Variants in F10 observed in about 807,000 individuals in gnomAD.
F10 encodes coagulation factor X, also known as Stuart-Prower factor.
Under a neutral mutation model 37.1 loss-of-function variants are expected in F10, and 29 were observed. That is an observed-to-expected ratio of 0.78 (90% CI 0.58 to 1.07). F10 has a LOEUF of 1.07. F10 is among the 50% of genes least tolerant of loss of function. The pLI, the probability that F10 is intolerant of heterozygous loss-of-function variation, is 0.00. For synonymous variants in F10, 262 were observed against 268.6 expected, an observed-to-expected ratio of 0.98 and a Z score of 0.24; for missense variants, 539 against 667.9, an observed-to-expected ratio of 0.81 and a Z score of 2.13.
intron 1 of F10, 112 bp downstream of exon 1, chr13:113,123,037 T>A: frequency 1.6e-6 from 2 of 1,266,542 alleles, no homozygotes; most frequent in Non-Finnish European, 2.2e-6. Context: ...CCTTGAGTGC[T>A]GCCAGAGGCT....
chr13:113,145,728 CAGAG>C (rs2036576944), intron 6 of F10, among the ~76,000 whole-genome samples: 1 of 152,310 alleles, frequency 6.6e-6, no homozygotes, highest in East Asian at 1.9e-4. Flanking sequence ...GGCAGCAAGA[CAGAG>C]AATGAGAGAA....
rs534947894 is a variant in F10 at position 113,127,915 on chromosome 13, G to C, written c.71-1537G>C. On this transcript the variant is annotated intron_variant, in intron 1 of 7. Transcript: ENST00000375559. ...AGTGGGCTGAAAGCACCCTAGGGAGGGAGAATTCAAGGAAGGGGGCTTGGG... is the reference window on the plus strand; with the variant it reads ...AGTGGGCTGAAAGCACCCTAGGGAGCGAGAATTCAAGGAAGGGGGCTTGGG... 3.9e-5 allele frequency among the ~76,000 whole-genome samples: 6 copies of C among 152,264 alleles called. 1 individual carries two copies. In the South Asian group the frequency reaches 1.2e-3, roughly 32 times the overall value.
intron 2 of F10, chr13:113,130,312 C>G (rs2036420418): frequency 6.5e-6 from 1 of 154,806 alleles, no homozygotes; most frequent in African/African-American, 2.4e-5. Context: ...GCAGCAGCCC[C>G]GCGCGGAAGA....
intron 2 of F10, among the ~76,000 whole-genome samples, chr13:113,136,280 G>C (rs1003511298): frequency 1.3e-5 from 2 of 152,114 alleles, no homozygotes; most frequent in South Asian, 4.1e-4. Context: ...CTGCTCGTGG[G>C]AATGCAAAAT....
At position 113,146,820 on chromosome 13, in the gene F10, C is replaced by T. The variant is rs758515410; in HGVS notation, c.748-559C>T. Among the ~76,000 whole-genome samples the T allele has an allele frequency of 1.3e-5, 2 of 152,164 alleles. No individual in the cohort carries two copies. Among genetic ancestry groups the T allele is most frequent in the Non-Finnish European group, 2.9e-5 (2 of 68,030 alleles). ...TGCAAGTCCAGCTCCCTAGGGACAG[C>T]ATGTGGCACCCCTGTCAGTGCTTGC... On this transcript the variant is annotated intron_variant, in intron 6 of 7. Transcript: ENST00000375559. This position sits in a 1 kb window ranked among gnomAD's most constrained non-coding sequence, Gnocchi z 4.5.
chr13:113,129,408 T>TGAAGA, intron 1 of F10, 44 bp from the exon 2 acceptor site: 1 of 1,611,870 alleles, frequency 6.2e-7, no homozygotes, highest in Non-Finnish European at 8.5e-7. Context: ...GGAGCCTGGG[T>TGAAGA]GAGGGTGACC....
intron 2 of F10, chr13:113,130,084 C>G: frequency 3.5e-6 from 1 of 288,208 alleles, no homozygotes; most frequent in Non-Finnish European, 6.6e-6. Context: ...GCCACGAACC[C>G]AGTACTGCTC....
At chr13:113,145,842 C>T (rs1042209795) in intron 6 of F10, among the ~76,000 whole-genome samples, 1 of 152,204 alleles carries the variant, frequency 6.6e-6, no homozygotes, top group African/African-American at 2.4e-5. Flanking sequence ...GATTCAGTTA[C>T]CTCCCACCAG....
Position 113,139,410 on chromosome 13 carries a change from G to A in F10, c.310G>A (p.Gly104Ser), listed in dbSNP as rs778616029. 5.0e-5 allele frequency: 80 copies of A among 1,613,744 alleles called. No homozygotes were observed. The highest frequency in any genetic ancestry group is 6.7e-5 in the Non-Finnish European group (79 of 1,179,884). Residue 104 changes from glycine to serine, a missense_variant, in exon 4 of 8, where the codon GGC becomes AGC. Transcript: ENST00000375559. The surrounding 1 kb of genome is among the most constrained non-coding windows in gnomAD (Gnocchi z 5.2). Reference protein sequence around the residue: ...PCQNQGKCKDGLGEYTCTCLE... With the variant: ...PCQNQGKCKDSLGEYTCTCLE... ...CCAGAACCAGGGCAAATGTAAAGAC[G>A]GCCTCGGGGAATACACCTGCACCTG...
In F10 at chr13:113,148,383, T is replaced by C. The variant is rs991916760; in HGVS notation, c.866-533T>C. Among the ~76,000 whole-genome samples the C allele has an allele frequency of 1.7e-4, 3 of 17,932 alleles. 1 individual carries two copies. Among genetic ancestry groups the C allele is most frequent in the Non-Finnish European group, 7.8e-4 (3 of 3,826 alleles). 11.8% of individuals were successfully genotyped at this position (17,932 alleles called of 152,430 possible). On this transcript the variant is annotated intron_variant, in intron 7 of 7. Coordinates refer to ENST00000375559, the MANE Select transcript of F10 (RefSeq NM_000504.4). Reference sequence around the variant, plus strand: ...ATATATGTATATATATATGTGTATATATATATACATATATATACACACACA... The same window carrying C: ...ATATATGTATATATATATGTGTATACATATATACATATATATACACACACA...
intron 5 of F10, among the ~76,000 whole-genome samples, chr13:113,142,264 G>A (rs866274141): frequency 4.6e-5 from 7 of 152,150 alleles, no homozygotes; most frequent in Non-Finnish European, 8.8e-5. Flanking sequence ...AGTGTGGGCC[G>A]GGTGCAGTAG....
chr13:113,144,204 C>T lies in F10; in HGVS notation c.747+109C>T. On this transcript the variant is annotated intron_variant, in intron 6 of 7. Coordinates refer to ENST00000375559, the MANE Select transcript of F10 (RefSeq NM_000504.4). The surrounding 1 kb of genome is among the most constrained non-coding windows in gnomAD (Gnocchi z 6.4). ...AATAGCAATCCGGGAAGGAACTGTTCCGAACTAGGACAGAGGGGCTCCGCC... is the reference window on the plus strand; with the variant it reads ...AATAGCAATCCGGGAAGGAACTGTTTCGAACTAGGACAGAGGGGCTCCGCC... The T allele has an allele frequency of 3.9e-6, 6 of 1,545,104 alleles. 1 individual carries two copies. The South Asian group carries it at 5.7e-5, about 15-fold the overall frequency.
rs890351469 is a variant in F10, at chr13:113,141,720, A to G, written c.502+670A>G. Among the ~76,000 whole-genome samples the G allele has an allele frequency of 5.9e-5, 9 of 152,220 alleles. No homozygotes were observed. In the East Asian group the frequency reaches 1.7e-3, roughly 29 times the overall value. On this transcript the variant is annotated intron_variant, in intron 5 of 7. Transcript: ENST00000375559. The surrounding 1 kb of genome is among the most constrained non-coding windows in gnomAD (Gnocchi z 5.4). ...CGGCACTTCCACACGGCCAGCACAC[A>G]TGAGGCCCTCGAAGGCGGGGCCTAG...
intron 6 of F10, among the ~76,000 whole-genome samples, chr13:113,145,432 A>G (rs1233887599): frequency 3.3e-5 from 5 of 151,626 alleles, no homozygotes; most frequent in Non-Finnish European, 5.9e-5. Flanking sequence ...TACATTAAAC[A>G]AAAGCACAAT....
chr13:113,123,077 A>G, intron 1 of F10, 152 bp downstream of exon 1: 1 of 902,956 alleles, frequency 1.1e-6, no homozygotes, highest in Non-Finnish European at 1.7e-6. Flanking sequence ...TGGCCTTTCC[A>G]GCCAACGGCA....
chr13:113,140,386 A>G (rs1371235308), intron 4 of F10: 3 of 394,158 alleles, frequency 7.6e-6, no homozygotes, highest in African/African-American at 6.2e-5. Flanking sequence ...GGCCTAATTG[A>G]TCATCTTTAG....
chr13:113,125,089 C>A (rs981580848), intron 1 of F10, among the ~76,000 whole-genome samples: 1 of 152,242 alleles, frequency 6.6e-6, no homozygotes, highest in African/African-American at 2.4e-5. Flanking sequence ...CACAAAAGTT[C>A]TATTTCCAAT....
chr13:113,130,329 C>CTT (rs1435184730), intron 2 of F10: 2 of 154,388 alleles, frequency 1.3e-5, no homozygotes, highest in African/African-American at 2.4e-5. Context: ...AAGACGCTAC[C>CTT]CTCCTCTCCC....
At chr13:113,130,164 C>G (rs2036417836) in intron 2 of F10, 1 of 191,152 alleles carries the variant, frequency 5.2e-6, no homozygotes, top group Non-Finnish European at 1.1e-5. Flanking sequence ...AGCAAAAGGA[C>G]ACGCACTGAG....
Sources: gnomAD v4.1 joint callset for allele counts (sites outside exome capture counted in the v4.1 genomes callset) on GRCh38, gnomAD v4.1.1 for gene constraint, Gnocchi (gnomAD v3.1) non-coding constraint, MANE v1.5 for transcripts, NCBI Gene and HGNC (gene_info 2026-07-23, HGNC 2026-07-21) for gene names.